The following TCF20 variants were observed in gnomAD, a reference collection of about 807,000 sequenced individuals.
TCF20 encodes the protein transcription factor 20.
A neutral mutation model predicts 148.6 loss-of-function variants in TCF20; 3 were observed. That is an observed-to-expected ratio of 0.02 (90% CI 0.01 to 0.05). The LOEUF (loss-of-function observed/expected upper bound fraction) is 0.05. TCF20 is among the 10% of genes least tolerant of loss of function. The pLI, the probability that TCF20 is intolerant of heterozygous loss-of-function variation, is 1.00. For synonymous variants in TCF20, 1,049 were observed against 909.5 expected, an observed-to-expected ratio of 1.15 and a Z score of -2.76; for missense variants, 2,350 against 2,429.3, an observed-to-expected ratio of 0.97 and a Z score of 0.69.
At chr22:42,283,323 C>T (rs367784383) in intron 1 of TCF20, among the ~76,000 whole-genome samples, 19 of 152,076 alleles carry the variant, frequency 1.2e-4, no homozygotes, top group African/African-American at 4.6e-4. Context: ...CCAGCCCCAA[C>T]CCCCCGCCGC....
Position 42,213,852 on chromosome 22 carries a change from GTCT to G in TCF20, c.1451_1453del (p.Lys484del), listed in dbSNP as rs745880455. Reference sequence around the variant, plus strand: ...CTTGGAAGATGAGGGCCTCTTGGAGGTCTTCTTCTGAGGAGTCAGGGCATCAGA... The same window carrying G: ...CTTGGAAGATGAGGGCCTCTTGGAGGTCTTCTGAGGAGTCAGGGCATCAGA... On this transcript the variant is annotated inframe_deletion, in exon 2 of 6. Coordinates refer to ENST00000677622, the MANE Select transcript of TCF20 (RefSeq NM_001378418.1). 7.4e-6 allele frequency: 12 copies of G among 1,614,062 alleles called. No individual in the cohort carries two copies. Among genetic ancestry groups the G allele is most frequent in the Admixed American group, 3.3e-5 (2 of 60,008 alleles).
At chr22:42,203,160 ATTTAT>A (rs1451051973) in intron 2 of TCF20, among the ~76,000 whole-genome samples, 3 of 151,650 alleles carry the variant, frequency 2.0e-5, no homozygotes, top group African/African-American at 7.3e-5. Context: ...TTCTCTACTT[ATTTAT>A]TTTGAGACTA....
intron 3 of TCF20, among the ~76,000 whole-genome samples, chr22:42,174,793 TG>T (rs1359512122): frequency 1.3e-5 from 2 of 151,938 alleles, no homozygotes; most frequent in Non-Finnish European, 2.9e-5. Context: ...CCCAGCACTT[TG>T]GGGGGCCAAG....
chr22:42,219,063 G>A (rs1425030510), intron 1 of TCF20, among the ~76,000 whole-genome samples: 1 of 151,892 alleles, frequency 6.6e-6, no homozygotes, highest in Non-Finnish European at 1.5e-5. Flanking sequence ...ATATACCAAC[G>A]ACAGAAAATG....
chr22:42,194,938 C>T (rs1937517285), intron 2 of TCF20, among the ~76,000 whole-genome samples: 2 of 151,614 alleles, frequency 1.3e-5, no homozygotes, highest in Admixed American at 6.6e-5. Context: ...GACCATGCCT[C>T]CCAGCACTTA....
chr22:42,207,584 G>C (rs1437391213), intron 2 of TCF20, among the ~76,000 whole-genome samples: 1 of 151,886 alleles, frequency 6.6e-6, no homozygotes, highest in East Asian at 1.9e-4. Flanking sequence ...GGGAGGCCGA[G>C]GTGGGCGGAT....
chr22:42,178,430 T>C (rs889974554), intron 3 of TCF20, among the ~76,000 whole-genome samples: 4 of 151,210 alleles, frequency 2.6e-5, no homozygotes, highest in African/African-American at 9.8e-5. Context: ...GCACTAACTC[T>C]GCTTAGTATC....
intron 2 of TCF20, among the ~76,000 whole-genome samples, chr22:42,206,698 G>A (rs5758646): frequency 0.059 from 8,918 of 152,148 alleles, 541 homozygotes; most frequent in East Asian, 0.33. Flanking sequence ...AGAAAAGACC[G>A]TAATTGGGAG....
chr22:42,277,260 C>T (rs2147012693), intron 1 of TCF20, among the ~76,000 whole-genome samples: 1 of 152,368 alleles, frequency 6.6e-6, no homozygotes, highest in South Asian at 2.1e-4. Context: ...ATTCATTCAA[C>T]AAACATTGAC....
intron 1 of TCF20, among the ~76,000 whole-genome samples, chr22:42,251,793 G>A (rs1464668169): frequency 2.0e-5 from 3 of 151,286 alleles, no homozygotes; most frequent in African/African-American, 4.9e-5. Context: ...GTGAGCCACC[G>A]CACCTGGCCC....
intron 1 of TCF20, among the ~76,000 whole-genome samples, chr22:42,251,492 CTTTTTTTTTTTTTTTTT>C (rs71184878): frequency 2.1e-5 from 1 of 47,008 alleles, no homozygotes; most frequent in African/African-American, 9.0e-5. Context: ...AAACAAGTGT[CTTTTTTTTTTTTTTTTT>C]TTTTTTTTTT....
At chr22:42,248,985 G>A (rs1925142406) in intron 1 of TCF20, among the ~76,000 whole-genome samples, 1 of 152,230 alleles carries the variant, frequency 6.6e-6, no homozygotes, top group Admixed American at 6.5e-5. Flanking sequence ...AGATTAGTGT[G>A]CGAGTCTGAG....
intron 1 of TCF20, among the ~76,000 whole-genome samples, chr22:42,277,805 C>T (rs134885): frequency 6.6e-6 from 1 of 152,142 alleles, no homozygotes; most frequent in African/African-American, 2.4e-5. Flanking sequence ...CCCTGTGTCA[C>T]GTCACCCTGA....
At chr22:42,274,345 C>T (rs915753573), upstream of TCF20, 2 of 152,432 alleles carry the variant, frequency 1.3e-5, no homozygotes, top group African/African-American at 4.8e-5. Flanking sequence ...CGCCCTCATT[C>T]TGTGCCCTCA....
At chr22:42,283,458 C>T (rs558214363) in intron 1 of TCF20, among the ~76,000 whole-genome samples, 11 of 152,056 alleles carry the variant, frequency 7.2e-5, no homozygotes, top group African/African-American at 2.4e-4. Context: ...GACTGTGACC[C>T]GGGGCCCTGC....
chr22:42,255,890 T>G (rs1160966830), intron 1 of TCF20, among the ~76,000 whole-genome samples: 1 of 152,192 alleles, frequency 6.6e-6, no homozygotes, highest in Admixed American at 6.5e-5. Flanking sequence ...ATTCCCACCT[T>G]GCTCTCATAC....
intron 1 of TCF20, among the ~76,000 whole-genome samples, chr22:42,239,462 G>A (rs1201658079): frequency 2.9e-5 from 4 of 140,144 alleles, no homozygotes; most frequent in African/African-American, 1.1e-4. Context: ...GGGAACAAGA[G>A]TGAAAATCTC....
chr22:42,219,096 G>C (rs1172906696), intron 1 of TCF20, among the ~76,000 whole-genome samples: 1 of 151,850 alleles, frequency 6.6e-6, no homozygotes, highest in Non-Finnish European at 1.5e-5. Context: ...TATAAAATAA[G>C]TAATAGGCTG....
intron 1 of TCF20, among the ~76,000 whole-genome samples, chr22:42,231,388 G>T (rs1417796606): frequency 1.3e-5 from 2 of 152,136 alleles, no homozygotes; most frequent in African/African-American, 2.4e-5. Context: ...GGAGGCTTAA[G>T]TGAGGGTTGC....
Sources: gnomAD v4.1 joint callset for allele counts (sites outside exome capture counted in the v4.1 genomes callset) on GRCh38, gnomAD v4.1.1 for gene constraint, MANE v1.5 for transcripts, NCBI Gene and HGNC (gene_info 2026-07-23, HGNC 2026-07-21) for gene names.